The following ZNF804A variants were observed in gnomAD, a reference collection of about 807,000 sequenced individuals.
ZNF804A encodes zinc finger protein 804A.
Under a neutral mutation model 16.5 loss-of-function variants are expected in ZNF804A, and 2 were observed. That is an observed-to-expected ratio of 0.12 (90% CI 0.05 to 0.38). The LOEUF is 0.38. Among genes scored for constraint, ZNF804A ranks in the 10% least tolerant of loss-of-function variants. ZNF804A has a pLI of 0.99. For synonymous variants in ZNF804A, 534 were observed against 489.6 expected (o/e 1.09, Z -1.20); for missense variants, 1,473 against 1,390.7 (o/e 1.06, Z -0.94).
intron 2 of ZNF804A, among the ~76,000 whole-genome samples, chr2:184,924,909 A>G (rs1335014678): frequency 1.3e-5 from 2 of 151,702 alleles, no homozygotes; most frequent in African/African-American, 4.8e-5. Flanking sequence ...AAGATGCTTG[A>G]TATTATTTCA....
intron 2 of ZNF804A, among the ~76,000 whole-genome samples, chr2:184,904,787 T>C (rs1347623597): frequency 6.6e-6 from 1 of 152,048 alleles, no homozygotes. Flanking sequence ...AGAAATGATA[T>C]GATTTTTATG....
At chr2:184,670,151 T>C (rs1419916625) in intron 1 of ZNF804A, among the ~76,000 whole-genome samples, 1 of 152,248 alleles carries the variant, frequency 6.6e-6, no homozygotes, top group African/African-American at 2.4e-5. Flanking sequence ...GTCAGCCTAA[T>C]TGCTATTCCT....
intron 1 of ZNF804A, among the ~76,000 whole-genome samples, chr2:184,864,839 A>G (rs1166172348): frequency 6.6e-6 from 1 of 150,834 alleles, no homozygotes; most frequent in Non-Finnish European, 1.5e-5. Flanking sequence ...AGTGTGTTTT[A>G]TAATAGTAAG....
At chr2:184,689,795 G>T (rs906628566) in intron 1 of ZNF804A, among the ~76,000 whole-genome samples, 1 of 151,916 alleles carries the variant, frequency 6.6e-6, no homozygotes, top group Non-Finnish European at 1.5e-5. Context: ...TTAGAATATC[G>T]TAAGATTCTG....
chr2:184,739,250 T>G (rs1391430723), intron 1 of ZNF804A, among the ~76,000 whole-genome samples: 3 of 152,254 alleles, frequency 2.0e-5, no homozygotes, highest in Non-Finnish European at 4.4e-5. Context: ...AAAATAGTCA[T>G]GTATTCTCCA....
intron 1 of ZNF804A, among the ~76,000 whole-genome samples, chr2:184,829,920 AAAC>A (rs1695233599): frequency 1.1e-5 from 1 of 94,310 alleles, no homozygotes; most frequent in Non-Finnish European, 2.0e-5. Flanking sequence ...AAAAAAAAAA[AAAC>A]AAAAACAAAA....
chr2:184,618,833 C>T (rs1691372969), intron 1 of ZNF804A, among the ~76,000 whole-genome samples: 1 of 152,012 alleles, frequency 6.6e-6, no homozygotes, highest in South Asian at 2.1e-4. Flanking sequence ...AGCAAAGCTG[C>T]CCATTTTCTA....
chr2:184,873,984 T>C (rs1696014876), intron 2 of ZNF804A, among the ~76,000 whole-genome samples: 1 of 152,150 alleles, frequency 6.6e-6, no homozygotes. Context: ...TGAACAACAA[T>C]ATTTGTAAAT....
At chr2:184,802,960 G>A (rs977060024) in intron 1 of ZNF804A, among the ~76,000 whole-genome samples, 1 of 152,036 alleles carries the variant, frequency 6.6e-6, no homozygotes, top group Non-Finnish European at 1.5e-5. Context: ...ACTTCTTAAG[G>A]TTCAACCTTC....
chr2:184,889,590 A>T, intron 2 of ZNF804A, among the ~76,000 whole-genome samples: 1 of 151,336 alleles, frequency 6.6e-6, no homozygotes, highest in South Asian at 2.1e-4. Context: ...GTAGTATATT[A>T]AAAATATGTA....
intron 2 of ZNF804A, among the ~76,000 whole-genome samples, chr2:184,885,204 G>T (rs1684869648): frequency 6.6e-6 from 1 of 152,058 alleles, no homozygotes; most frequent in African/African-American, 2.4e-5. Flanking sequence ...CTCTAGCAAG[G>T]TTGCTGAAAA....
At chr2:184,906,424 C>T (rs968630137) in intron 2 of ZNF804A, among the ~76,000 whole-genome samples, 2 of 151,992 alleles carry the variant, frequency 1.3e-5, no homozygotes, top group South Asian at 2.1e-4. Context: ...TCAGGTTCCC[C>T]GAGTGGCTGG....
chr2:184,775,555 C>T (rs1694273111), intron 1 of ZNF804A, among the ~76,000 whole-genome samples: 1 of 151,658 alleles, frequency 6.6e-6, no homozygotes, highest in Non-Finnish European at 1.5e-5. Flanking sequence ...TCATCATGAA[C>T]TCCTGAGCCA....
At chr2:184,774,937 GCTGGATTTTATTTATTTGCA>G (rs1410565890) in intron 1 of ZNF804A, among the ~76,000 whole-genome samples, 2 of 150,908 alleles carry the variant, frequency 1.3e-5, no homozygotes, top group Non-Finnish European at 3.0e-5. Flanking sequence ...TTTTCTTAAT[GCTGGATTTTATTTATTTGCA>G]CTTTACATGA....
intron 1 of ZNF804A, among the ~76,000 whole-genome samples, chr2:184,769,788 A>G (rs1456845810): frequency 6.6e-6 from 1 of 152,018 alleles, no homozygotes; most frequent in Non-Finnish European, 1.5e-5. Flanking sequence ...CTGGGTCAGA[A>G]CTGTGTTCTT....
At chr2:184,710,527 A>G (rs1322298133) in intron 1 of ZNF804A, among the ~76,000 whole-genome samples, 1 of 151,734 alleles carries the variant, frequency 6.6e-6, no homozygotes, top group African/African-American at 2.4e-5. Flanking sequence ...AACACTTAAC[A>G]TGATATGTAG....
At chr2:184,742,170 G>A (rs777649081) in intron 1 of ZNF804A, among the ~76,000 whole-genome samples, 19 of 151,830 alleles carry the variant, frequency 1.3e-4, no homozygotes, top group Non-Finnish European at 2.4e-4. Flanking sequence ...TTTAGTCTCG[G>A]ATATGGTGTG....
At chr2:184,912,954 T>C (rs1031806920) in intron 2 of ZNF804A, among the ~76,000 whole-genome samples, 7 of 152,090 alleles carry the variant, frequency 4.6e-5, no homozygotes, top group African/African-American at 1.7e-4. Context: ...ATTAATATAT[T>C]TTTCTTTTGT....
chr2:184,923,234 G>A (rs994648309), intron 2 of ZNF804A, among the ~76,000 whole-genome samples: 1 of 151,764 alleles, frequency 6.6e-6, no homozygotes, highest in East Asian at 1.9e-4. Flanking sequence ...TTACATCAAT[G>A]TTTTATAGTT....
Sources: allele counts gnomAD v4.1 joint callset (sites outside exome capture counted in the v4.1 genomes callset), GRCh38; gene constraint gnomAD v4.1.1; transcripts MANE v1.5; gene names NCBI Gene and HGNC (gene_info 2026-07-23, HGNC 2026-07-21).